Variants in CDH4 observed in about 807,000 individuals in gnomAD.
The protein encoded by CDH4 is cadherin 4, also known as cadherin-4.
Under a neutral mutation model 86.0 loss-of-function variants are expected in CDH4, and 33 were observed. The observed-to-expected ratio is 0.38, with a 90% CI of 0.29 to 0.51. The LOEUF is 0.51. Among genes scored for constraint, CDH4 ranks in the 20% least tolerant of loss-of-function variants. The probability of loss-of-function intolerance (pLI) is 0.86; values close to 1 mark genes in which losing one functional copy is unlikely to be tolerated. For missense variants in CDH4, 1,114 were observed against 1,307.4 expected, an observed-to-expected ratio of 0.85 and a Z score of 2.28; for synonymous variants, 555 against 549.4, an observed-to-expected ratio of 1.01 and a Z score of -0.14.
At chr20:61,479,488 A>T (rs1199640305) in intron 2 of CDH4, among the ~76,000 whole-genome samples, 1 of 152,176 alleles carries the variant, frequency 6.6e-6, no homozygotes, top group Non-Finnish European at 1.5e-5. Flanking sequence ...TGCTGCTATA[A>T]AGACACATGC....
chr20:61,270,327 C>T (rs2084177272), intron 2 of CDH4, among the ~76,000 whole-genome samples: 1 of 152,210 alleles, frequency 6.6e-6, no homozygotes, highest in South Asian at 2.1e-4. Context: ...CAGCCTGCAG[C>T]TTCTTCTCAG....
At chr20:61,551,684 G>GAA (rs1308911974) in intron 2 of CDH4, among the ~76,000 whole-genome samples, 2 of 152,212 alleles carry the variant, frequency 1.3e-5, no homozygotes, top group Non-Finnish European at 2.9e-5. Flanking sequence ...TGTTGCAGAT[G>GAA]AAAACACACT....
rs563273229 is a variant in CDH4 at position 61,593,985 on chromosome 20, C to T, written c.170-149578C>T. On this transcript the variant is annotated intron_variant, in intron 2 of 15. Transcript: ENST00000614565. ...TGAACGCATGGATGAAATGCTGTGA[C>T]GCATGAGGAAATACAGATTCAGAGG... 2.5e-4 allele frequency among the ~76,000 whole-genome samples: 34 copies of T among 137,246 alleles called. No homozygotes were observed. The East Asian group carries it at 4.3e-3, about 17-fold the overall frequency. The allele number at this position is 137,246 out of a possible 152,430, so 90.0% of individuals were successfully genotyped here. A position where few individuals can be genotyped will look rare whatever the true frequency, so the allele number is the denominator to read the frequency against.
chr20:61,390,568 T>A, intron 2 of CDH4, among the ~76,000 whole-genome samples: 1 of 149,874 alleles, frequency 6.7e-6, no homozygotes, highest in African/African-American at 2.5e-5. Context: ...AAACCCCGAT[T>A]GGGTTCGTGC....
At chr20:61,615,490 G>A (rs950185318) in intron 2 of CDH4, among the ~76,000 whole-genome samples, 1 of 152,178 alleles carries the variant, frequency 6.6e-6, no homozygotes, top group Non-Finnish European at 1.5e-5. Flanking sequence ...GCATCAGAGT[G>A]CCCACGTGCA....
At chr20:61,441,791 T>C (rs1211508799) in intron 2 of CDH4, among the ~76,000 whole-genome samples, 1 of 152,134 alleles carries the variant, frequency 6.6e-6, no homozygotes, top group Non-Finnish European at 1.5e-5. Flanking sequence ...CCATGGCTCA[T>C]AAATGACCCA....
chr20:61,795,208 A>G (rs548609356), intron 4 of CDH4, among the ~76,000 whole-genome samples: 1 of 73,992 alleles, frequency 1.4e-5, no homozygotes, highest in East Asian at 4.1e-4. Flanking sequence ...AGTATTTATC[A>G]TTGCTACCAG....
At chr20:61,686,198 A>C (rs1568755226) in intron 2 of CDH4, among the ~76,000 whole-genome samples, 2 of 152,220 alleles carry the variant, frequency 1.3e-5, no homozygotes, top group Non-Finnish European at 2.9e-5. Context: ...AGAGTTCTAC[A>C]AACTGTTTGC....
At chr20:61,343,448 T>C (rs1429425650) in intron 2 of CDH4, among the ~76,000 whole-genome samples, 1 of 152,234 alleles carries the variant, frequency 6.6e-6, no homozygotes, top group East Asian at 1.9e-4. Flanking sequence ...TGTGTGTGCA[T>C]GGGTGTCTGC....
At chr20:61,316,792 C>T (rs949047049) in intron 2 of CDH4, among the ~76,000 whole-genome samples, 1 of 152,130 alleles carries the variant, frequency 6.6e-6, no homozygotes, top group Non-Finnish European at 1.5e-5. Flanking sequence ...CTTTCTGAGT[C>T]ATCGTTGCCC....
intron 2 of CDH4, among the ~76,000 whole-genome samples, chr20:61,716,372 T>G (rs543578444): frequency 0.015 from 2,191 of 144,584 alleles, 4 homozygotes; most frequent in African/African-American, 0.058. Context: ...CCTGTGAGCC[T>G]CCTCTTGGCT....
chr20:61,406,591 C>A (rs6089501), intron 2 of CDH4, among the ~76,000 whole-genome samples: 1 of 115,654 alleles, frequency 8.6e-6, no homozygotes, highest in East Asian at 3.2e-4. Context: ...TCTGCTCTGC[C>A]CAGACCACCA....
At chr20:61,556,608 A>C (rs1278571467) in intron 2 of CDH4, among the ~76,000 whole-genome samples, 1 of 152,168 alleles carries the variant, frequency 6.6e-6, no homozygotes. Flanking sequence ...GTGGTCCAAA[A>C]TTCCCGTTTT....
chr20:61,923,558 G>A lies in CDH4; in HGVS notation c.1482G>A (p.Val494=), dbSNP rs929788937. 6.8e-6 allele frequency: 11 copies of A among 1,614,092 alleles called. No individual in the cohort carries two copies. The East Asian group carries it at 1.8e-4, about 26-fold the overall frequency. ...IQMSFQSTAG[V]TISIMDINEA... is the part of the protein sequence containing the mutation. ...TGTCCTTCCAGTCCACGGCAGGGGT[G>A]ACCATCTCCATCATGGACATCAACG... Residue 494 remains valine (V), a synonymous_variant, in exon 10 of 16, where the codon GTG becomes GTA. Coordinates refer to ENST00000614565, the MANE Select transcript of CDH4 (RefSeq NM_001794.5).
intron 2 of CDH4, among the ~76,000 whole-genome samples, chr20:61,495,490 G>A (rs1396257854): frequency 6.6e-6 from 1 of 152,208 alleles, no homozygotes; most frequent in Non-Finnish European, 1.5e-5. Context: ...TGCCCAGCAG[G>A]GGAGGAGGCA....
At chr20:61,279,871 A>G (rs2084249435) in intron 2 of CDH4, among the ~76,000 whole-genome samples, 1 of 152,068 alleles carries the variant, frequency 6.6e-6, no homozygotes, top group African/African-American at 2.4e-5. Context: ...AGATGCCAGG[A>G]TTTCTGTGAG....
rs966679012 is a variant in CDH4, at chr20:61,544,143, C to G, written c.170-199420C>G. Among the ~76,000 whole-genome samples the G allele has an allele frequency of 5.3e-5, 8 of 152,208 alleles. No homozygotes were observed. The highest frequency in any genetic ancestry group is 1.9e-4 in the African/African-American group (8 of 41,460). ...GGCACTACACTGTGTGGTCCGGTCC[C>G]ACGGCCATGTGGTCTCTTTAGATCT... On this transcript the variant is annotated intron_variant, in intron 2 of 15. Coordinates refer to ENST00000614565, the MANE Select transcript of CDH4 (RefSeq NM_001794.5). The surrounding 1 kb of genome is among the most constrained non-coding windows in gnomAD (Gnocchi z 6.5).
At chr20:61,529,567 G>A (rs893015738) in intron 2 of CDH4, among the ~76,000 whole-genome samples, 1 of 152,210 alleles carries the variant, frequency 6.6e-6, no homozygotes, top group African/African-American at 2.4e-5. Flanking sequence ...AGTGAGGAAA[G>A]AGAATCTCTG....
chr20:61,534,265 A>G (rs537293943), intron 2 of CDH4, among the ~76,000 whole-genome samples: 2 of 152,108 alleles, frequency 1.3e-5, no homozygotes, highest in African/African-American at 2.4e-5. Flanking sequence ...TTTTCTTGTC[A>G]TGTCTCATGC....
Sources: allele counts gnomAD v4.1 joint callset (sites outside exome capture counted in the v4.1 genomes callset), GRCh38; gene constraint gnomAD v4.1.1; non-coding constraint Gnocchi (gnomAD v3.1); transcripts MANE v1.5; gene names NCBI Gene and HGNC (gene_info 2026-07-23, HGNC 2026-07-21).